Variants in SCD5 observed in about 807,000 individuals in gnomAD.
SCD5 encodes acyl-CoA-desaturase 4.
SCD5 carries 20 observed loss-of-function variants against 30.4 expected under a neutral mutation model. The ratio of observed to expected loss-of-function variants is 0.66; its 90% CI spans 0.46 to 0.96. SCD5 has a LOEUF of 0.96. Among genes scored for constraint, SCD5 ranks in the 40% least tolerant of loss-of-function variants. SCD5 has a pLI of 0.00. For missense variants in SCD5, 381 were observed against 443.3 expected, an observed-to-expected ratio of 0.86 and a Z score of 1.26; for synonymous variants, 173 against 176.4, an observed-to-expected ratio of 0.98 and a Z score of 0.16.
chr4:82,661,744 A>G (rs1448569187), intron 3 of SCD5, among the ~76,000 whole-genome samples: 1 of 152,198 alleles, frequency 6.6e-6, no homozygotes, highest in Non-Finnish European at 1.5e-5. Flanking sequence ...TCTTTAGAAA[A>G]AGAGACTTTC....
intron 3 of SCD5, chr4:82,660,856 G>C (rs755164709): frequency 1.9e-6 from 3 of 1,613,716 alleles, no homozygotes; most frequent in Non-Finnish European, 2.5e-6. Flanking sequence ...CCTCGCTGTT[G>C]TATATCTCTC....
intron 3 of SCD5, among the ~76,000 whole-genome samples, chr4:82,650,394 A>G (rs540579561): frequency 3.3e-4 from 51 of 152,316 alleles, no homozygotes; most frequent in African/African-American, 1.2e-3. Flanking sequence ...ACCCTTTTAC[A>G]TTAAAAAAAT....
rs535662327 is a variant in SCD5, at chr4:82,686,438, C to T, written c.364-5526G>A. ...TGAAGGGCAAATGAGCACTACATAT[C>T]AAAAACCCTAAAATTGTGCATATAT... On this transcript the variant is annotated intron_variant, in intron 2 of 4. Transcript: ENST00000319540. Among the ~76,000 whole-genome samples, 23 of 152,290 alleles carry T rather than the reference C, an allele frequency of 1.5e-4. No individual in the cohort carries two copies. In the East Asian group the frequency reaches 4.4e-3, roughly 29 times the overall value.
intron 1 of SCD5, among the ~76,000 whole-genome samples, chr4:82,718,974 C>T (rs903250247): frequency 1.3e-5 from 2 of 151,684 alleles, no homozygotes; most frequent in African/African-American, 2.4e-5. Flanking sequence ...TCCACATGCC[C>T]GTTTCCTCCA....
chr4:82,716,149 C>T (rs769873200), intron 1 of SCD5, among the ~76,000 whole-genome samples: 3 of 151,784 alleles, frequency 2.0e-5, no homozygotes, highest in Non-Finnish European at 4.4e-5. Context: ...TTCTTCGAAG[C>T]CTCTTCCTTT....
At chr4:82,796,744 A>AG (rs1224789441) in intron 1 of SCD5, among the ~76,000 whole-genome samples, 4 of 152,202 alleles carry the variant, frequency 2.6e-5, no homozygotes, top group Non-Finnish European at 5.9e-5. Flanking sequence ...CTCTGGAAGC[A>AG]GGGGGGAGAG....
At position 82,714,882 on chromosome 4, in the gene SCD5, C is replaced by T. The variant is rs1195825015; in HGVS notation, c.233-9469G>A. On this transcript the variant is annotated intron_variant, in intron 1 of 4. Coordinates refer to ENST00000319540, the MANE Select transcript of SCD5 (RefSeq NM_001037582.3). ...ACCCAAGCAGTTTGGATAAGGGATACTCAACCTGTATGTAGCTAGAGAGAT... is the reference window on the plus strand; with the variant it reads ...ACCCAAGCAGTTTGGATAAGGGATATTCAACCTGTATGTAGCTAGAGAGAT... Among the ~76,000 whole-genome samples the T allele has an allele frequency of 1.3e-5, 2 of 149,194 alleles. 1 individual carries two copies. The highest frequency in any genetic ancestry group is 4.1e-4 in the South Asian group (2 of 4,824).
intron 3 of SCD5, among the ~76,000 whole-genome samples, chr4:82,641,149 G>A (rs1027578910): frequency 1.3e-5 from 2 of 151,530 alleles, no homozygotes; most frequent in African/African-American, 4.9e-5. Flanking sequence ...CAGCTACAGG[G>A]AGGCTGAGGC....
At chr4:82,667,934 T>C (rs1322213042) in intron 3 of SCD5, among the ~76,000 whole-genome samples, 1 of 152,002 alleles carries the variant, frequency 6.6e-6, no homozygotes, top group Non-Finnish European at 1.5e-5. Flanking sequence ...GGAGATAAGA[T>C]TCAAGGAGAG....
chr4:82,796,094 C>A lies in SCD5; in HGVS notation c.232+2212G>T, dbSNP rs532865030. 2.1e-3 allele frequency among the ~76,000 whole-genome samples: 312 copies of A among 151,796 alleles called. 1 individual carries two copies. The highest frequency in any genetic ancestry group is 7.0e-3 in the African/African-American group (288 of 41,406). On this transcript the variant is annotated intron_variant, in intron 1 of 4. Coordinates refer to ENST00000319540, the MANE Select transcript of SCD5 (RefSeq NM_001037582.3). Reference sequence around the variant, plus strand: ...GACCATCCTGGCTAACACGGTGAAACCCCATCTCTACTAAAAATACAAAAA... The same window carrying A: ...GACCATCCTGGCTAACACGGTGAAAACCCATCTCTACTAAAAATACAAAAA...
At chr4:82,640,498 T>C (rs1219019025) in intron 3 of SCD5, among the ~76,000 whole-genome samples, 2 of 152,340 alleles carry the variant, frequency 1.3e-5, no homozygotes, top group East Asian at 3.9e-4. Context: ...TCTTTGTATG[T>C]TCAGTAGAAT....
At chr4:82,705,871 A>C (rs1348071262) in intron 1 of SCD5, among the ~76,000 whole-genome samples, 5 of 152,176 alleles carry the variant, frequency 3.3e-5, no homozygotes, top group Non-Finnish European at 5.9e-5. Context: ...AACATATTTA[A>C]AGAGAGCACA....
chr4:82,722,620 G>A (rs1331452327), intron 1 of SCD5, among the ~76,000 whole-genome samples: 1 of 150,450 alleles, frequency 6.6e-6, no homozygotes, highest in Non-Finnish European at 1.5e-5. Context: ...GCAAAAATTA[G>A]CCAGGTGTGG....
At chr4:82,675,850 T>G (rs992829191) in intron 3 of SCD5, among the ~76,000 whole-genome samples, 1 of 152,234 alleles carries the variant, frequency 6.6e-6, no homozygotes, top group Non-Finnish European at 1.5e-5. Context: ...AGATGACAAA[T>G]CGCTCTGCTT....
intron 3 of SCD5, among the ~76,000 whole-genome samples, chr4:82,640,046 G>A (rs574336792): frequency 2.6e-5 from 4 of 152,290 alleles, no homozygotes; most frequent in African/African-American, 4.8e-5. Flanking sequence ...GGGAGGTGCC[G>A]TGGCCTCCCA....
intron 2 of SCD5, among the ~76,000 whole-genome samples, chr4:82,700,788 A>T (rs1463712919): frequency 3.3e-3 from 4 of 1,202 alleles, no homozygotes; most frequent in Admixed American, 0.017. Flanking sequence ...CCCTGTCTCT[A>T]AAAAAAAAAA....
chr4:82,639,994 CTTTGGGGTAGACA>C lies in SCD5; in HGVS notation c.570-3184_570-3172del, dbSNP rs1205346327. Among the ~76,000 whole-genome samples the C allele has an allele frequency of 2.0e-5, 3 of 152,196 alleles. No homozygotes were observed. In the East Asian group the frequency reaches 5.8e-4, roughly 29 times the overall value. On this transcript the variant is annotated intron_variant, in intron 3 of 4. Coordinates refer to ENST00000319540, the MANE Select transcript of SCD5 (RefSeq NM_001037582.3). The stretch of plus-strand genomic sequence containing the variant: ...TTCTCTCTCTGAATGCTTGCAGCAG[CTTTGGGGTAGACA>C]CCCTCGAGTCATGAAGGCCCCAGGC...
intron 1 of SCD5, among the ~76,000 whole-genome samples, chr4:82,754,733 T>C (rs1721195686): frequency 6.6e-6 from 1 of 152,204 alleles, no homozygotes; most frequent in African/African-American, 2.4e-5. Flanking sequence ...AGAAGAGTGG[T>C]TGCTGGAAAG....
chr4:82,690,979 A>C (rs1728820611), intron 2 of SCD5, among the ~76,000 whole-genome samples: 1 of 151,628 alleles, frequency 6.6e-6, no homozygotes, highest in South Asian at 2.1e-4. Context: ...TGAACAAAGG[A>C]GGACCTTAAT....
Sources: allele counts gnomAD v4.1 joint callset (sites outside exome capture counted in the v4.1 genomes callset), GRCh38; gene constraint gnomAD v4.1.1; transcripts MANE v1.5; gene names NCBI Gene and HGNC (gene_info 2026-07-23, HGNC 2026-07-21).